The following MLLT10 variants were observed in gnomAD, a reference collection of about 807,000 sequenced individuals.
The protein encoded by MLLT10 is protein AF-10.
In MLLT10, 30 loss-of-function variants were observed where a neutral mutation model predicts 129.1. That is an observed-to-expected ratio of 0.23 (90% CI 0.17 to 0.32). MLLT10 has a LOEUF of 0.32. Ranked by LOEUF, MLLT10 falls within the 10% of genes least tolerant of loss-of-function variation. The pLI is 1.00. For synonymous variants in MLLT10, 490 were observed against 446.4 expected (o/e 1.10, Z -1.23); for missense variants, 1,119 against 1,268.3 (o/e 0.88, Z 1.79).
intron 3 of MLLT10, among the ~76,000 whole-genome samples, chr10:21,563,224 G>A (rs1222853777): frequency 6.6e-6 from 1 of 152,036 alleles, no homozygotes; most frequent in Non-Finnish European, 1.5e-5. Context: ...TGGGATGATA[G>A]AACTTGTAAT....
chr10:21,540,581 A>G (rs991338448), intron 3 of MLLT10, among the ~76,000 whole-genome samples: 10 of 152,126 alleles, frequency 6.6e-5, no homozygotes, highest in Admixed American at 6.6e-5. Flanking sequence ...TATCCTTTGT[A>G]TCCACAAGCA....
intron 3 of MLLT10, among the ~76,000 whole-genome samples, chr10:21,584,312 C>CG (rs1564455345): frequency 2.0e-5 from 3 of 151,750 alleles, no homozygotes; most frequent in Non-Finnish European, 4.4e-5. Flanking sequence ...TACAGGCACG[C>CG]ACCACCACAT....
At chr10:21,561,946 C>T (rs1393473588) in intron 3 of MLLT10, among the ~76,000 whole-genome samples, 2 of 152,054 alleles carry the variant, frequency 1.3e-5, no homozygotes, top group Non-Finnish European at 2.9e-5. Flanking sequence ...GCTGGGATTA[C>T]AGGCATGCCC....
intron 3 of MLLT10, among the ~76,000 whole-genome samples, chr10:21,548,439 G>C (rs1160234338): frequency 1.3e-5 from 2 of 149,238 alleles, no homozygotes; most frequent in African/African-American, 5.0e-5. Flanking sequence ...TTGCGATCTC[G>C]GCTCACTGCA....
At chr10:21,657,446 G>C (rs1220982483) in intron 9 of MLLT10, among the ~76,000 whole-genome samples, 3 of 147,518 alleles carry the variant, frequency 2.0e-5, no homozygotes, top group Non-Finnish European at 4.5e-5. Context: ...TGACCTGATA[G>C]AGATTTGCTT....
At chr10:21,538,407 CCTGT>C (rs1464377367) in intron 2 of MLLT10, among the ~76,000 whole-genome samples, 3 of 152,036 alleles carry the variant, frequency 2.0e-5, no homozygotes, top group Admixed American at 1.3e-4. Context: ...AGGTGATCCG[CCTGT>C]CTCAGCCTCC....
intron 8 of MLLT10, chr10:21,624,950 T>G: frequency 3.1e-6 from 4 of 1,306,566 alleles, no homozygotes; most frequent in Non-Finnish European, 4.2e-6. Flanking sequence ...CCCTCCCCCT[T>G]GGTGGTGGTG....
chr10:21,611,192 AC>A (rs1222652669), intron 5 of MLLT10, among the ~76,000 whole-genome samples: 1 of 139,230 alleles, frequency 7.2e-6, no homozygotes, highest in Non-Finnish European at 1.5e-5. Flanking sequence ...TAATTTTAGT[AC>A]AGACAGGGTT....
chr10:21,546,690 C>A (rs2036133804), intron 3 of MLLT10, among the ~76,000 whole-genome samples: 1 of 151,934 alleles, frequency 6.6e-6, no homozygotes, highest in South Asian at 2.1e-4. Context: ...CCCTCAGCCT[C>A]CCGAGTAGCT....
At chr10:21,610,289 C>T (rs1208453309) in intron 5 of MLLT10, among the ~76,000 whole-genome samples, 1 of 152,130 alleles carries the variant, frequency 6.6e-6, no homozygotes, top group Non-Finnish European at 1.5e-5. Flanking sequence ...TGAGTTGAAT[C>T]AGAGACACTG....
rs149351564 is a variant in MLLT10 at position 21,733,777 on chromosome 10, T to G, written c.2506T>G (p.Ser836Ala). 1.2e-6 allele frequency: 2 copies of G among 1,611,704 alleles called. No homozygotes were observed. The highest frequency in any genetic ancestry group is 1.7e-6 in the Non-Finnish European group (2 of 1,178,692). ...TTCTTTCTTACGCTAGGACTTAACC[T>G]CCAGTGGACAAAGTACCAGCAGCTC... ...SLPVLNQDLT[S>A]SGQSTSSSSA... The change falls in exon 20 of 23, where the codon TCC becomes GCC. Residue 836 changes from serine to alanine, a missense_variant. Transcript: ENST00000307729.
At chr10:21,560,406 T>C (rs956111309) in intron 3 of MLLT10, among the ~76,000 whole-genome samples, 5 of 152,186 alleles carry the variant, frequency 3.3e-5, no homozygotes, top group Non-Finnish European at 5.9e-5. Context: ...TCAAGTCTTT[T>C]TCAGTTTTCT....
At chr10:21,649,168 C>T (rs898417989) in intron 8 of MLLT10, among the ~76,000 whole-genome samples, 4 of 152,150 alleles carry the variant, frequency 2.6e-5, no homozygotes, top group Non-Finnish European at 5.9e-5. Flanking sequence ...CTCAACCTTC[C>T]AGGCTCAAGC....
intron 9 of MLLT10, among the ~76,000 whole-genome samples, chr10:21,665,804 C>A (rs1426320755): frequency 6.6e-6 from 1 of 152,060 alleles, no homozygotes; most frequent in East Asian, 1.9e-4. Flanking sequence ...TCTCGGCTCA[C>A]GGCAACCTCT....
At chr10:21,589,413 G>A (rs1275661916) in intron 4 of MLLT10, among the ~76,000 whole-genome samples, 1 of 145,980 alleles carries the variant, frequency 6.9e-6, no homozygotes, top group Admixed American at 7.0e-5. Flanking sequence ...CTGTAGCTTT[G>A]TAGTCCTGGG....
At chr10:21,661,008 C>T (rs994950907) in intron 9 of MLLT10, among the ~76,000 whole-genome samples, 4 of 151,540 alleles carry the variant, frequency 2.6e-5, no homozygotes, top group African/African-American at 4.8e-5. Flanking sequence ...TCATTTAGTT[C>T]CATATATTTT....
Position 21,670,451 on chromosome 10 carries a change from T to C in MLLT10, c.798T>C (p.Thr266=), listed in dbSNP as rs775407907. Residue 266 remains threonine, a splice_region_variant and synonymous_variant, in exon 10 of 23, where the codon ACT becomes ACC. Transcript: ENST00000307729. ...VPSLTVTTEK[T]YTSTSNNSIS... ...CCCTTTTTGAATCAAAATGTTAGAC[T>C]TATACAAGCACTAGCAACAACTCTA... 1 of 1,607,374 alleles carries C rather than the reference T, an allele frequency of 6.2e-7. No homozygotes were observed. The highest frequency in any genetic ancestry group is 2.2e-5 in the East Asian group (1 of 44,788).
intron 8 of MLLT10, among the ~76,000 whole-genome samples, chr10:21,645,427 A>G (rs2048383432): frequency 6.6e-6 from 1 of 152,162 alleles, no homozygotes. Flanking sequence ...TTGTAATGAT[A>G]TTTTGTGTTA....
rs1230978588 is a variant in MLLT10, at chr10:21,635,923, GC to G, written c.700-15748del. 3.6e-5 allele frequency among the ~76,000 whole-genome samples: 5 copies of G among 139,162 alleles called. No individual in the cohort carries two copies. The Admixed American group carries it at 3.6e-4, about 10-fold the overall frequency. 91.3% of individuals were successfully genotyped at this position (139,162 alleles called of 152,430 possible). The stretch of plus-strand genomic sequence containing the variant: ...TTACAAGCGTGAGCCGCTGCACCTG[GC>G]CTTTTTTTTTTTTTTTTTTTTTTAC... On this transcript the variant is annotated intron_variant, in intron 8 of 22. Coordinates refer to ENST00000307729, the MANE Select transcript of MLLT10 (RefSeq NM_001195626.3).
Sources: gnomAD v4.1 joint callset for allele counts (sites outside exome capture counted in the v4.1 genomes callset) on GRCh38, gnomAD v4.1.1 for gene constraint, MANE v1.5 for transcripts, NCBI Gene and HGNC (gene_info 2026-07-23, HGNC 2026-07-21) for gene names.